The following RBFOX3 variants were observed in gnomAD, a reference collection of about 807,000 sequenced individuals.
RBFOX3 encodes the protein RNA binding fox-1 homolog 3.
A neutral mutation model predicts 48.7 loss-of-function variants in RBFOX3; 17 were observed. That is an observed-to-expected ratio of 0.35 (90% CI 0.24 to 0.52). The LOEUF is 0.52. Ranked by LOEUF, RBFOX3 falls within the 20% of genes least tolerant of loss-of-function variation. RBFOX3 has a pLI of 0.94. For missense variants in RBFOX3, 382 were observed against 497.5 expected (o/e 0.77, Z 2.21); for synonymous variants, 212 against 209.5 (o/e 1.01, Z -0.10).
In RBFOX3 at chr17:79,214,850, CATA is replaced by C. The variant is rs1356356549; in HGVS notation, c.-34+20913_-34+20915del. Among the ~76,000 whole-genome samples the C allele has an allele frequency of 6.6e-6, 1 of 152,200 alleles. No individual in the cohort carries two copies. The highest frequency in any genetic ancestry group is 1.5e-5 in the Non-Finnish European group (1 of 68,018). ...TTACTCCAGGGCAAACTTTAAAAAACATAATATTTATAGAAAGCCTCATTCAGC... is the reference window on the plus strand; with the variant it reads ...TTACTCCAGGGCAAACTTTAAAAAACATATTTATAGAAAGCCTCATTCAGC... On this transcript the variant is annotated intron_variant, in intron 4 of 14. Coordinates refer to ENST00000693108, the MANE Select transcript of RBFOX3 (RefSeq NM_001350451.2). The surrounding 1 kb of genome is among the most constrained non-coding windows in gnomAD (Gnocchi z 4.7).
At chr17:79,168,811 C>T (rs187806268) in intron 4 of RBFOX3, among the ~76,000 whole-genome samples, 4 of 152,278 alleles carry the variant, frequency 2.6e-5, no homozygotes, top group Non-Finnish European at 2.9e-5. Flanking sequence ...CTAGCTCACC[C>T]TGTCTTCCCG....
At chr17:79,153,006 C>T (rs562058714) in intron 4 of RBFOX3, among the ~76,000 whole-genome samples, 3 of 152,314 alleles carry the variant, frequency 2.0e-5, no homozygotes, top group East Asian at 1.9e-4. Flanking sequence ...CCAGATACCC[C>T]GCCCCACCCT....
chr17:79,386,452 G>C (rs1389707680), intron 2 of RBFOX3, among the ~76,000 whole-genome samples: 1 of 152,240 alleles, frequency 6.6e-6, no homozygotes, highest in African/African-American at 2.4e-5. Context: ...GAGCCAGAAA[G>C]TTACTAGTCC....
At chr17:79,131,212 A>C (rs1009208049) in intron 4 of RBFOX3, among the ~76,000 whole-genome samples, 6 of 144,772 alleles carry the variant, frequency 4.1e-5, no homozygotes, top group Admixed American at 4.0e-4. Flanking sequence ...TGTTCTGTGC[A>C]CTGTGTGTGC....
the RBFOX3 span, among the ~76,000 whole-genome samples, chr17:79,657,597 T>C: frequency 6.6e-6 from 1 of 152,160 alleles, no homozygotes; most frequent in African/African-American, 2.4e-5. Flanking sequence ...GAGAATCGCT[T>C]GAATCTGGGA....
chr17:79,221,898 G>A (rs1424726780), intron 4 of RBFOX3, among the ~76,000 whole-genome samples: 2 of 152,322 alleles, frequency 1.3e-5, no homozygotes, highest in South Asian at 2.1e-4. Context: ...TGGCAGGAGC[G>A]GGGAAGGGTG....
intron 2 of RBFOX3, among the ~76,000 whole-genome samples, chr17:79,352,796 G>C (rs2084211960): frequency 6.6e-6 from 1 of 152,208 alleles, no homozygotes; most frequent in Admixed American, 6.5e-5. Context: ...GTCACCTAGG[G>C]GACCACCTGG....
chr17:79,250,553 C>A (rs2148250023), intron 3 of RBFOX3, among the ~76,000 whole-genome samples: 1 of 152,326 alleles, frequency 6.6e-6, no homozygotes, highest in Non-Finnish European at 1.5e-5. Context: ...GAGACCCAGC[C>A]TCACTGCTTG....
At chr17:79,176,291 C>T (rs1437466291) in intron 4 of RBFOX3, among the ~76,000 whole-genome samples, 1 of 152,214 alleles carries the variant, frequency 6.6e-6, no homozygotes, top group Non-Finnish European at 1.5e-5. Flanking sequence ...GCTCCATTGC[C>T]CTTCTGTGGC....
intron 1 of RBFOX3, among the ~76,000 whole-genome samples, chr17:79,579,827 TGGGGAGTCACTGGTGCTGTGGTG>T: frequency 1.1e-5 from 1 of 89,276 alleles, no homozygotes; most frequent in African/African-American, 4.7e-5. Context: ...GGCGCTGTGG[TGGGGAGTCACTGGTGCTGTGGTG>T]GGGGGGTCAC....
the RBFOX3 span, among the ~76,000 whole-genome samples, chr17:79,661,514 G>A: frequency 6.6e-6 from 1 of 152,170 alleles, no homozygotes; most frequent in African/African-American, 2.4e-5. Flanking sequence ...TGCTTGGCCT[G>A]GGTTACTTCA....
At chr17:79,464,419 C>T (rs1410460167) in intron 2 of RBFOX3, among the ~76,000 whole-genome samples, 5 of 152,226 alleles carry the variant, frequency 3.3e-5, no homozygotes, top group Admixed American at 2.6e-4. Context: ...CCCATCAAGG[C>T]GGAGCAGGGA....
chr17:79,318,854 CAAAAAAAAAA>C (rs71161660), intron 2 of RBFOX3, among the ~76,000 whole-genome samples: 3 of 32,524 alleles, frequency 9.2e-5, no homozygotes, highest in South Asian at 1.8e-3. Context: ...GACTCCATCT[CAAAAAAAAAA>C]AAAAAAAAAA....
intron 4 of RBFOX3, among the ~76,000 whole-genome samples, chr17:79,192,405 T>C (rs2054699009): frequency 6.6e-6 from 1 of 152,206 alleles, no homozygotes; most frequent in African/African-American, 2.4e-5. Flanking sequence ...AGAGACTGTA[T>C]TTAAGGCAGC....
intron 2 of RBFOX3, among the ~76,000 whole-genome samples, chr17:79,466,719 G>A (rs1232558227): frequency 2.6e-5 from 4 of 152,204 alleles, no homozygotes; most frequent in Admixed American, 6.5e-5. Flanking sequence ...TCTCCCGGGC[G>A]GCAGGCGCCG....
At chr17:79,566,590 T>C (rs879086338) in intron 1 of RBFOX3, among the ~76,000 whole-genome samples, 108,064 of 152,190 alleles carry the variant, frequency 0.71, 38,625 homozygotes, top group East Asian at 0.96. Flanking sequence ...AGTCTTGCAA[T>C]GATGGACAGA....
At chr17:79,650,749 C>G in the RBFOX3 span, among the ~76,000 whole-genome samples, 1 of 152,118 alleles carries the variant, frequency 6.6e-6, no homozygotes, top group South Asian at 2.1e-4. Context: ...TTAGGAGTCA[C>G]AGTAGAAAGG....
At chr17:79,134,843 T>A (rs1012936880) in intron 4 of RBFOX3, among the ~76,000 whole-genome samples, 2 of 152,174 alleles carry the variant, frequency 1.3e-5, no homozygotes, top group African/African-American at 4.8e-5. Context: ...CTGAAACAGC[T>A]GGTGGGCCTG....
intron 3 of RBFOX3, among the ~76,000 whole-genome samples, chr17:79,261,342 G>A (rs931583790): frequency 6.6e-6 from 1 of 152,208 alleles, no homozygotes; most frequent in Admixed American, 6.5e-5. Flanking sequence ...CGAGCACCCC[G>A]AAGCCACATG....
Sources: allele counts gnomAD v4.1 joint callset (sites outside exome capture counted in the v4.1 genomes callset), GRCh38; gene constraint gnomAD v4.1.1; non-coding constraint Gnocchi (gnomAD v3.1); transcripts MANE v1.5; gene names NCBI Gene and HGNC (gene_info 2026-07-23, HGNC 2026-07-21).